The following CDH13 variants were observed in gnomAD, a reference collection of about 807,000 sequenced individuals.
CDH13 encodes the protein cadherin 13.
A neutral mutation model predicts 63.8 loss-of-function variants in CDH13; 24 were observed. The observed-to-expected ratio is 0.38, with a 90% CI of 0.27 to 0.53. The LOEUF (loss-of-function observed/expected upper bound fraction) is 0.53. Among genes scored for constraint, CDH13 ranks in the 20% least tolerant of loss-of-function variants. The pLI is 0.85. For missense variants in CDH13, 1,049 were observed against 903.1 expected, an observed-to-expected ratio of 1.16 and a Z score of -2.07; for synonymous variants, 503 against 355.3, an observed-to-expected ratio of 1.42 and a Z score of -4.67.
intron 6 of CDH13, among the ~76,000 whole-genome samples, chr16:83,446,074 G>C (rs1296426664): frequency 6.6e-6 from 1 of 152,058 alleles, no homozygotes; most frequent in Non-Finnish European, 1.5e-5. Flanking sequence ...TGAGGTGGGG[G>C]GGCAGATTAC....
intron 6 of CDH13, among the ~76,000 whole-genome samples, chr16:83,392,088 G>A (rs535528149): frequency 2.0e-5 from 3 of 151,922 alleles, no homozygotes; most frequent in Admixed American, 6.6e-5. Context: ...CTCAAAAATC[G>A]CCCCCTCGCA....
At chr16:83,407,634 C>G (rs575859964) in intron 6 of CDH13, among the ~76,000 whole-genome samples, 3 of 152,162 alleles carry the variant, frequency 2.0e-5, no homozygotes, top group Non-Finnish European at 4.4e-5. Flanking sequence ...TAGGTGCCCA[C>G]TAAACATTTC....
chr16:82,739,207 T>G (rs2033821427), intron 1 of CDH13, among the ~76,000 whole-genome samples: 1 of 145,714 alleles, frequency 6.9e-6, no homozygotes, highest in African/African-American at 2.5e-5. Context: ...TACTATTATA[T>G]TTTTTAGTAA....
At chr16:82,789,486 A>G (rs1020371880) in intron 1 of CDH13, among the ~76,000 whole-genome samples, 1 of 152,190 alleles carries the variant, frequency 6.6e-6, no homozygotes, top group Non-Finnish European at 1.5e-5. Flanking sequence ...TGGCTTTGAA[A>G]CGACACTTCG....
At chr16:83,098,372 T>C (rs1167281086) in intron 3 of CDH13, among the ~76,000 whole-genome samples, 1 of 152,210 alleles carries the variant, frequency 6.6e-6, no homozygotes, top group Non-Finnish European at 1.5e-5. Context: ...TATTATTTTT[T>C]ACTTTAAACA....
At chr16:82,755,309 C>A (rs2034572024) in intron 1 of CDH13, among the ~76,000 whole-genome samples, 3 of 152,112 alleles carry the variant, frequency 2.0e-5, no homozygotes, top group Admixed American at 6.6e-5. Context: ...CTGAGTCTTC[C>A]TTTCTGACCC....
chr16:82,972,237 G>C (rs918361286), intron 2 of CDH13, among the ~76,000 whole-genome samples: 1 of 151,478 alleles, frequency 6.6e-6, no homozygotes, highest in Middle Eastern at 3.4e-3. Flanking sequence ...CCCTATGACA[G>C]AAATCTACTA....
At chr16:83,755,750 C>CA (rs11440971) in intron 11 of CDH13, among the ~76,000 whole-genome samples, 7,325 of 128,198 alleles carry the variant, frequency 0.057, 398 homozygotes, top group Admixed American at 0.14. Flanking sequence ...ACTTTTGGGG[C>CA]AAAAAAAAAA....
At chr16:83,506,818 C>A (rs183273322) in intron 7 of CDH13, among the ~76,000 whole-genome samples, 9 of 152,330 alleles carry the variant, frequency 5.9e-5, no homozygotes, top group Non-Finnish European at 1.5e-5. Context: ...CTGAGGCCAC[C>A]TACTAATAGC....
intron 5 of CDH13, among the ~76,000 whole-genome samples, chr16:83,334,261 T>C (rs1411446077): frequency 2.6e-5 from 4 of 151,708 alleles, no homozygotes; most frequent in Non-Finnish European, 5.9e-5. Context: ...TCTCTCTCTC[T>C]GTTTCTCTCT....
chr16:83,200,787 C>T (rs890605609), intron 4 of CDH13, among the ~76,000 whole-genome samples: 1 of 152,110 alleles, frequency 6.6e-6, no homozygotes, highest in African/African-American at 2.4e-5. Flanking sequence ...TTGAGCTTCC[C>T]TTAGGGAAAA....
At chr16:83,717,522 A>G (rs1228884251) in intron 10 of CDH13, among the ~76,000 whole-genome samples, 2 of 152,224 alleles carry the variant, frequency 1.3e-5, no homozygotes, top group South Asian at 2.1e-4. Context: ...GGACGACACC[A>G]TCAGGAAGAA....
chr16:83,760,661 C>T (rs1280368216), intron 11 of CDH13, among the ~76,000 whole-genome samples: 1 of 152,212 alleles, frequency 6.6e-6, no homozygotes, highest in Non-Finnish European at 1.5e-5. Flanking sequence ...CAGCAGATCA[C>T]CTTGTGGATG....
chr16:83,707,375 C>T (rs891293465), intron 10 of CDH13, among the ~76,000 whole-genome samples: 3 of 152,140 alleles, frequency 2.0e-5, no homozygotes, highest in Admixed American at 1.3e-4. Flanking sequence ...TTAGCCATTT[C>T]CATTTTGCTT....
intron 7 of CDH13, among the ~76,000 whole-genome samples, chr16:83,567,238 C>A (rs938528388): frequency 1.3e-5 from 2 of 152,242 alleles, no homozygotes; most frequent in African/African-American, 2.4e-5. Flanking sequence ...CCATTGACTT[C>A]TTCGCCTTCC....
At chr16:83,031,701 C>T (rs1438739354) in intron 2 of CDH13, among the ~76,000 whole-genome samples, 4 of 152,136 alleles carry the variant, frequency 2.6e-5, no homozygotes, top group African/African-American at 4.8e-5. Context: ...AGGATTAGAT[C>T]ACTTCCCTCA....
intron 8 of CDH13, among the ~76,000 whole-genome samples, chr16:83,610,560 T>A (rs911612972): frequency 4.6e-5 from 7 of 152,160 alleles, no homozygotes; most frequent in Non-Finnish European, 1.0e-4. Context: ...TATAAACTAA[T>A]TTTTTTCCTA....
intron 2 of CDH13, among the ~76,000 whole-genome samples, chr16:83,017,956 G>A (rs1449511970): frequency 3.9e-5 from 6 of 152,078 alleles, no homozygotes; most frequent in African/African-American, 1.4e-4. Flanking sequence ...AAGTAGGTTG[G>A]GAAACAAGCC....
At chr16:83,697,140 ATT>A (rs538890971) in intron 10 of CDH13, among the ~76,000 whole-genome samples, 11 of 152,150 alleles carry the variant, frequency 7.2e-5, no homozygotes, top group Non-Finnish European at 1.6e-4. Context: ...AATAAAATGT[ATT>A]TGTCACCCCA....
Sources: gnomAD v4.1 joint callset for allele counts (sites outside exome capture counted in the v4.1 genomes callset) on GRCh38, gnomAD v4.1.1 for gene constraint, MANE v1.5 for transcripts, NCBI Gene and HGNC (gene_info 2026-07-23, HGNC 2026-07-21) for gene names.